GRID1: variants seen among roughly 807,000 people sequenced by gnomAD.
GRID1 encodes the protein glutamate ionotropic receptor delta type subunit 1, also known as glutamate receptor ionotropic, delta-1.
In GRID1, 28 loss-of-function variants were observed where a neutral mutation model predicts 98.0. The observed-to-expected ratio is 0.29, with a 90% CI of 0.21 to 0.39. GRID1 has a LOEUF of 0.39. Among genes scored for constraint, GRID1 ranks in the 10% least tolerant of loss-of-function variants. The pLI is 1.00. For synonymous variants in GRID1, 553 were observed against 538.5 expected, an observed-to-expected ratio of 1.03 and a Z score of -0.37; for missense variants, 1,111 against 1,340.5, an observed-to-expected ratio of 0.83 and a Z score of 2.67.
At chr10:86,191,827 G>A (rs1845806640) in intron 3 of GRID1, among the ~76,000 whole-genome samples, 1 of 152,182 alleles carries the variant, frequency 6.6e-6, no homozygotes, top group Non-Finnish European at 1.5e-5. Flanking sequence ...GCCAGCACTT[G>A]TCAGTAGTTC....
intron 8 of GRID1, among the ~76,000 whole-genome samples, chr10:85,787,049 C>T (rs1003308421): frequency 6.6e-6 from 1 of 152,232 alleles, no homozygotes; most frequent in Non-Finnish European, 1.5e-5. Flanking sequence ...CCCATCAATG[C>T]CTTGCAGCCC....
At chr10:86,203,521 C>T (rs1845982539) in intron 3 of GRID1, among the ~76,000 whole-genome samples, 1 of 86,864 alleles carries the variant, frequency 1.2e-5, no homozygotes, top group South Asian at 3.2e-4. Context: ...AGGACGAGCA[C>T]TGGGCACCGG....
At chr10:86,326,392 T>TACAC (rs1848051002) in intron 2 of GRID1, among the ~76,000 whole-genome samples, 1 of 152,206 alleles carries the variant, frequency 6.6e-6, no homozygotes, top group Non-Finnish European at 1.5e-5. Flanking sequence ...GTAGCTAGTG[T>TACAC]CTACTCACAA....
intron 4 of GRID1, among the ~76,000 whole-genome samples, chr10:85,946,067 A>G (rs914941416): frequency 3.9e-5 from 6 of 152,204 alleles, no homozygotes; most frequent in Admixed American, 2.6e-4. Flanking sequence ...CATTATTACA[A>G]ATAGGGTCAG....
At chr10:85,657,224 T>C (rs1840910462) in intron 12 of GRID1, among the ~76,000 whole-genome samples, 2 of 152,136 alleles carry the variant, frequency 1.3e-5, no homozygotes, top group Admixed American at 1.3e-4. Flanking sequence ...CATTATATGA[T>C]AAAAATACAA....
intron 5 of GRID1, among the ~76,000 whole-genome samples, chr10:85,881,322 C>G (rs373144399): frequency 6.6e-6 from 1 of 152,292 alleles, no homozygotes; most frequent in South Asian, 2.1e-4. Flanking sequence ...CCAAGTCAAG[C>G]CTAAGCCAAA....
intron 4 of GRID1, among the ~76,000 whole-genome samples, chr10:86,072,480 GT>G (rs539351073): frequency 2.0e-5 from 3 of 151,340 alleles, no homozygotes; most frequent in Non-Finnish European, 4.4e-5. Context: ...CTACTCTTTC[GT>G]TTTTTTTTAT....
At chr10:85,782,816 T>C (rs762355035) in intron 8 of GRID1, among the ~76,000 whole-genome samples, 1 of 152,190 alleles carries the variant, frequency 6.6e-6, no homozygotes, top group Non-Finnish European at 1.5e-5. Flanking sequence ...CTAGAAAAGA[T>C]TCAAGTACAA....
At chr10:85,920,678 C>T (rs78333648) in intron 4 of GRID1, among the ~76,000 whole-genome samples, 12,966 of 152,140 alleles carry the variant, frequency 0.085, 750 homozygotes, top group Non-Finnish European at 0.12. Flanking sequence ...CAGTGTGGAT[C>T]GAGCTGCATA....
chr10:85,994,688 C>T (rs992475351), intron 4 of GRID1, among the ~76,000 whole-genome samples: 12 of 152,170 alleles, frequency 7.9e-5, no homozygotes, highest in Middle Eastern at 3.2e-3. Flanking sequence ...TGCTGGGGTC[C>T]CCCAGCTGGT....
At chr10:85,718,809 T>C (rs767998782) in intron 12 of GRID1, among the ~76,000 whole-genome samples, 1 of 152,196 alleles carries the variant, frequency 6.6e-6, no homozygotes, top group Non-Finnish European at 1.5e-5. Context: ...TTCCCCACGG[T>C]CTTGGGGATT....
At chr10:85,691,431 C>T (rs775648138) in intron 12 of GRID1, among the ~76,000 whole-genome samples, 11 of 152,010 alleles carry the variant, frequency 7.2e-5, no homozygotes, top group South Asian at 2.1e-4. Context: ...TGTCTCTTAC[C>T]CCTCTGATTC....
At chr10:85,996,833 A>G (rs530854998) in intron 4 of GRID1, among the ~76,000 whole-genome samples, 2 of 151,426 alleles carry the variant, frequency 1.3e-5, no homozygotes, top group Admixed American at 1.3e-4. Flanking sequence ...CCATCTCAAA[A>G]AAAAAAAAAA....
intron 8 of GRID1, among the ~76,000 whole-genome samples, chr10:85,772,453 G>A (rs1222597421): frequency 6.6e-5 from 10 of 150,850 alleles, no homozygotes; most frequent in Non-Finnish European, 1.5e-4. Context: ...GCTAGCAGAA[G>A]GCAAGAAATA....
At chr10:85,613,682 G>C in intron 14 of GRID1, 35 bp from the exon 15 acceptor site, 1 of 1,592,764 alleles carries the variant, frequency 6.3e-7, no homozygotes, top group South Asian at 1.1e-5. Flanking sequence ...TATAGCCACT[G>C]ACGTCATCAA....
At chr10:85,809,864 T>G (rs1223811431) in intron 8 of GRID1, among the ~76,000 whole-genome samples, 1 of 152,192 alleles carries the variant, frequency 6.6e-6, no homozygotes, top group Non-Finnish European at 1.5e-5. Context: ...CAGCCCTCAC[T>G]GCCACTATAG....
At chr10:86,302,117 C>G (rs1197522360) in intron 2 of GRID1, among the ~76,000 whole-genome samples, 2 of 152,204 alleles carry the variant, frequency 1.3e-5, no homozygotes, top group Non-Finnish European at 2.9e-5. Context: ...CCCTTAGCTT[C>G]CCTCCTCACC....
chr10:85,987,877 T>C (rs1002945842), intron 4 of GRID1, among the ~76,000 whole-genome samples: 26 of 152,054 alleles, frequency 1.7e-4, no homozygotes, highest in African/African-American at 6.0e-4. Flanking sequence ...GACATCATAA[T>C]TTGTGACTCT....
intron 2 of GRID1, among the ~76,000 whole-genome samples, chr10:86,352,074 G>A (rs896919029): frequency 1.3e-5 from 2 of 152,184 alleles, no homozygotes; most frequent in Non-Finnish European, 2.9e-5. Context: ...AGGCCGAGGC[G>A]AGCGGATCAC....
Sources: allele counts gnomAD v4.1 joint callset (sites outside exome capture counted in the v4.1 genomes callset), GRCh38; gene constraint gnomAD v4.1.1; transcripts MANE v1.5; gene names NCBI Gene and HGNC (gene_info 2026-07-23, HGNC 2026-07-21).